Variants in SLC39A11 observed in about 807,000 individuals in gnomAD.
SLC39A11 encodes the protein zinc transporter ZIP11.
Under a neutral mutation model 36.1 loss-of-function variants are expected in SLC39A11, and 33 were observed. The ratio of observed to expected loss-of-function variants is 0.91; its 90% CI spans 0.69 to 1.22. The LOEUF (loss-of-function observed/expected upper bound fraction) is 1.22. Ranked by LOEUF, SLC39A11 falls within the 50% of genes most tolerant of loss-of-function variation. The pLI, the probability that SLC39A11 is intolerant of heterozygous loss-of-function variation, is 0.00. For missense variants in SLC39A11, 432 were observed against 430.3 expected, an observed-to-expected ratio of 1.00 and a Z score of -0.03; for synonymous variants, 166 against 170.3, an observed-to-expected ratio of 0.97 and a Z score of 0.20.
intron 4 of SLC39A11, among the ~76,000 whole-genome samples, chr17:72,983,445 A>C (rs1568067591): frequency 2.0e-5 from 3 of 152,186 alleles, no homozygotes; most frequent in Admixed American, 6.5e-5. Context: ...CACTGTGCCC[A>C]GCCTGTTGTT....
At chr17:73,032,900 T>G (rs1466030830) in intron 3 of SLC39A11, among the ~76,000 whole-genome samples, 1 of 152,224 alleles carries the variant, frequency 6.6e-6, no homozygotes, top group African/African-American at 2.4e-5. Flanking sequence ...TATTGCGATT[T>G]GTAGATAAAG....
chr17:72,883,141 G>C (rs1157385140), intron 5 of SLC39A11, among the ~76,000 whole-genome samples: 2 of 152,146 alleles, frequency 1.3e-5, no homozygotes, highest in Non-Finnish European at 2.9e-5. Context: ...TCATCACGCA[G>C]TCCTGCATCC....
At chr17:72,921,766 T>C (rs1022057722) in intron 5 of SLC39A11, among the ~76,000 whole-genome samples, 8 of 152,190 alleles carry the variant, frequency 5.3e-5, no homozygotes, top group African/African-American at 1.9e-4. Flanking sequence ...TTACCATATC[T>C]CACCAAATTC....
At position 73,088,728 on chromosome 17, in the gene SLC39A11, G is replaced by A; in HGVS notation, c.37C>T (p.Leu13=). ...ATCCCCCAGGTGAAGAAGGTCCCCA[G>A]CAAGGCCTGGAACACAGAGCTGTGG... ...QGHSSVFQAL[L]GTFFTWGMTA... The change falls in exon 2 of 10, where the codon CTG becomes TTG. Residue 13 remains leucine (L), a synonymous_variant. Transcript: ENST00000255559. 1.9e-6 allele frequency: 3 copies of A among 1,611,510 alleles called. No homozygotes were observed. Among genetic ancestry groups the A allele is most frequent in the Non-Finnish European group, 2.5e-6 (3 of 1,178,878 alleles).
chr17:72,673,554 C>T (rs1328759710), intron 7 of SLC39A11, among the ~76,000 whole-genome samples: 4 of 152,094 alleles, frequency 2.6e-5, no homozygotes, highest in Non-Finnish European at 5.9e-5. Context: ...AATGTTTGCA[C>T]AGTTTTTTTT....
At chr17:72,653,444 T>C (rs956235652) in intron 7 of SLC39A11, among the ~76,000 whole-genome samples, 2 of 143,720 alleles carry the variant, frequency 1.4e-5, no homozygotes, top group Non-Finnish European at 3.0e-5. Context: ...TTCTTTTCTT[T>C]TTTTTTTTTT....
At chr17:72,858,978 G>C (rs551919670) in intron 5 of SLC39A11, among the ~76,000 whole-genome samples, 1 of 152,290 alleles carries the variant, frequency 6.6e-6, no homozygotes, top group East Asian at 1.9e-4. Flanking sequence ...CTATTTGGAT[G>C]CCCTGTATTT....
chr17:72,744,914 T>C (rs1450357606), intron 6 of SLC39A11, among the ~76,000 whole-genome samples: 1 of 152,190 alleles, frequency 6.6e-6, no homozygotes, highest in Non-Finnish European at 1.5e-5. Flanking sequence ...CAATCTCAGC[T>C]CACTGCAACC....
At chr17:72,705,836 G>T (rs1444270720) in intron 7 of SLC39A11, among the ~76,000 whole-genome samples, 1 of 152,146 alleles carries the variant, frequency 6.6e-6, no homozygotes, top group African/African-American at 2.4e-5. Context: ...GTGAATGTGC[G>T]ACATTCACTA....
intron 5 of SLC39A11, among the ~76,000 whole-genome samples, chr17:72,853,052 T>C (rs2079444628): frequency 6.6e-6 from 1 of 152,196 alleles, no homozygotes; most frequent in Non-Finnish European, 1.5e-5. Flanking sequence ...TCCCACTCTG[T>C]TGCCCAGGCT....
chr17:72,873,820 G>A (rs1437791739), intron 5 of SLC39A11, among the ~76,000 whole-genome samples: 1 of 152,168 alleles, frequency 6.6e-6, no homozygotes, highest in Non-Finnish European at 1.5e-5. Context: ...ACTTTGAATT[G>A]TAATAATCCC....
chr17:73,023,931 C>G (rs56736280), intron 4 of SLC39A11, among the ~76,000 whole-genome samples: 22,984 of 152,208 alleles, frequency 0.15, 2,910 homozygotes, highest in African/African-American at 0.35. Flanking sequence ...AGGCAGCCAT[C>G]TGCAAGCCAA....
intron 7 of SLC39A11, among the ~76,000 whole-genome samples, chr17:72,670,210 CACATAT>C (rs1400534963): frequency 0.053 from 3,639 of 68,208 alleles, 63 homozygotes; most frequent in Admixed American, 0.067. Context: ...CACACACACA[CACATAT>C]ATATATATGC....
At chr17:72,674,040 C>A (rs1192252649) in intron 7 of SLC39A11, among the ~76,000 whole-genome samples, 1 of 152,030 alleles carries the variant, frequency 6.6e-6, no homozygotes, top group Non-Finnish European at 1.5e-5. Context: ...TGCAATCCAG[C>A]CTGGGCAATG....
intron 5 of SLC39A11, among the ~76,000 whole-genome samples, chr17:72,913,012 G>T (rs1454643062): frequency 6.6e-6 from 1 of 152,006 alleles, no homozygotes; most frequent in Non-Finnish European, 1.5e-5. Flanking sequence ...ATATGCTTGG[G>T]TATTAAAGTA....
intron 4 of SLC39A11, among the ~76,000 whole-genome samples, chr17:72,953,228 C>T (rs1312930138): frequency 6.6e-6 from 1 of 151,928 alleles, no homozygotes; most frequent in Non-Finnish European, 1.5e-5. Flanking sequence ...TGGTGGGGGG[C>T]CAATCCCTGG....
chr17:72,969,593 T>TCC (rs1017801702), intron 4 of SLC39A11, among the ~76,000 whole-genome samples: 3 of 83,258 alleles, frequency 3.6e-5, no homozygotes, highest in Non-Finnish European at 5.7e-5. Context: ...CTTCCCCTTC[T>TCC]CCCCTTTTCC....
At chr17:72,913,129 A>G (rs2083121179) in intron 5 of SLC39A11, among the ~76,000 whole-genome samples, 1 of 152,160 alleles carries the variant, frequency 6.6e-6, no homozygotes, top group Non-Finnish European at 1.5e-5. Flanking sequence ...ACTGGTGTAG[A>G]CTAGAGAAAG....
At chr17:72,943,949 G>T (rs1029048779) in intron 5 of SLC39A11, among the ~76,000 whole-genome samples, 10 of 152,180 alleles carry the variant, frequency 6.6e-5, no homozygotes, top group African/African-American at 2.4e-4. Context: ...TGCTGGGACA[G>T]AGGAGTGGGA....
Sources: gnomAD v4.1 joint callset for allele counts (sites outside exome capture counted in the v4.1 genomes callset) on GRCh38, gnomAD v4.1.1 for gene constraint, MANE v1.5 for transcripts, NCBI Gene and HGNC (gene_info 2026-07-23, HGNC 2026-07-21) for gene names.